PARVB: variants seen among roughly 807,000 people sequenced by gnomAD.
PARVB encodes the protein beta-parvin.
PARVB carries 46 observed loss-of-function variants against 47.0 expected under a neutral mutation model. That is an observed-to-expected ratio of 0.98 (90% CI 0.77 to 1.25). The LOEUF is 1.25. Among genes scored for constraint, PARVB ranks in the 50% most tolerant of loss-of-function variants. The pLI, the probability that PARVB is intolerant of heterozygous loss-of-function variation, is 0.00. For synonymous variants in PARVB, 196 were observed against 196.3 expected (o/e 1.00, Z 0.01); for missense variants, 473 against 471.6 (o/e 1.00, Z -0.03).
chr22:44,164,775 C>T (rs1334176399), intron 12 of PARVB, among the ~76,000 whole-genome samples: 2 of 152,194 alleles, frequency 1.3e-5, no homozygotes, highest in Non-Finnish European at 2.9e-5. Flanking sequence ...GCCCATGATG[C>T]TTCCTACACC....
At chr22:44,054,967 G>A (rs994945291) in intron 1 of PARVB, among the ~76,000 whole-genome samples, 2 of 142,096 alleles carry the variant, frequency 1.4e-5, no homozygotes, top group African/African-American at 5.3e-5. Context: ...TCCAGCCTGG[G>A]CGACAAGAGT....
intron 4 of PARVB, among the ~76,000 whole-genome samples, chr22:44,128,539 G>T (rs2053241511): frequency 6.6e-6 from 1 of 152,212 alleles, no homozygotes; most frequent in Non-Finnish European, 1.5e-5. Flanking sequence ...GCAGCACACA[G>T]GCATGGCCAG....
intron 4 of PARVB, among the ~76,000 whole-genome samples, chr22:44,131,077 CTTTTTT>C (rs1166979810): frequency 7.5e-6 from 1 of 133,042 alleles, no homozygotes; most frequent in Non-Finnish European, 1.6e-5. Context: ...CTCTCTCTCT[CTTTTTT>C]TCTTTCTTCT....
At chr22:44,098,531 G>A (rs576806979) in intron 2 of PARVB, among the ~76,000 whole-genome samples, 19 of 152,282 alleles carry the variant, frequency 1.2e-4, no homozygotes, top group African/African-American at 4.6e-4. Context: ...ATTGCACCAG[G>A]AGGGCAGGAA....
intron 4 of PARVB, 40 bp from the exon 5 acceptor site, chr22:44,131,447 A>G (rs1271600265): frequency 6.2e-7 from 1 of 1,606,170 alleles, no homozygotes; most frequent in African/African-American, 1.3e-5. Context: ...TGGCCCTTCC[A>G]GCTTTTTCTG....
At chr22:44,081,060 G>C (rs759980617) in intron 1 of PARVB, among the ~76,000 whole-genome samples, 1 of 152,182 alleles carries the variant, frequency 6.6e-6, no homozygotes, top group East Asian at 1.9e-4. Context: ...TCCTCCAAAG[G>C]TGCAGTCTCC....
intron 3 of PARVB, among the ~76,000 whole-genome samples, chr22:44,100,992 G>T (rs1223719394): frequency 6.6e-6 from 1 of 152,208 alleles, no homozygotes; most frequent in African/African-American, 2.4e-5. Context: ...TCTATTAAAA[G>T]TGCTTTTTAA....
At chr22:44,115,737 A>G (rs1434152870) in intron 3 of PARVB, 1 of 91,206 alleles carries the variant, frequency 1.1e-5, no homozygotes, top group Non-Finnish European at 2.1e-5. Flanking sequence ...CAACACAGAT[A>G]CATTGTTATT....
chr22:44,027,362 C>T (rs1490282160), intron 1 of PARVB, among the ~76,000 whole-genome samples: 4 of 152,256 alleles, frequency 2.6e-5, no homozygotes, highest in South Asian at 2.1e-4. Flanking sequence ...TCCTCAGAGG[C>T]GGATGGCCGG....
intron 2 of PARVB, among the ~76,000 whole-genome samples, chr22:44,013,488 C>T (rs1056106682): frequency 6.6e-6 from 1 of 152,190 alleles, no homozygotes; most frequent in Non-Finnish European, 1.5e-5. Flanking sequence ...ATCCTCAGTG[C>T]CCCTCACCAC....
In PARVB at chr22:44,168,975, C is replaced by T. The variant is rs974991361; in HGVS notation, c.*297C>T. On this transcript the variant is annotated 3_prime_UTR_variant, in exon 13 of 13. Transcript: ENST00000338758. ...ACTCAGTCGCGTGGGATGATGAGTC[C>T]GTTGTTGTCTGCCTTGGCCGAAAGA... 23 of 307,228 alleles carry T rather than the reference C, an allele frequency of 7.5e-5. No individual in the cohort carries two copies. The highest frequency in any genetic ancestry group is 2.1e-4 in the African/African-American group (10 of 47,118). The allele number at this position is 307,228 out of a possible 1,614,324, so 19.0% of individuals were successfully genotyped here.
chr22:44,051,918 G>A (rs939465380), intron 1 of PARVB, among the ~76,000 whole-genome samples: 2 of 152,054 alleles, frequency 1.3e-5, no homozygotes, highest in African/African-American at 2.4e-5. Flanking sequence ...AGAGATTGGA[G>A]AGATGCTGCC....
intron 1 of PARVB, chr22:44,040,058 T>C (rs896967910): frequency 7.5e-6 from 2 of 267,642 alleles, no homozygotes; most frequent in Non-Finnish European, 1.5e-5. Context: ...CAGGAGTTGC[T>C]TGGGGAGGAG....
Position 44,161,105 on chromosome 22 carries a change from A to C in PARVB, c.946-2753A>C, listed in dbSNP as rs536589094. 2.0e-3 allele frequency among the ~76,000 whole-genome samples: 308 copies of C among 152,072 alleles called. 2 individuals carry two copies. The highest frequency in any genetic ancestry group is 7.5e-3 in the Admixed American group (115 of 15,272). On this transcript the variant is annotated intron_variant, in intron 11 of 12. Transcript: ENST00000338758. ...CTGTCTCCATCTCGATTTGGGGTCA[A>C]GCCTGTTGTGTGTGTGTGTGTGTGC...
intron 2 of PARVB, among the ~76,000 whole-genome samples, chr22:44,003,328 C>T (rs1002802624): frequency 2.0e-5 from 3 of 152,118 alleles, no homozygotes; most frequent in Non-Finnish European, 4.4e-5. Flanking sequence ...AAATACTGAG[C>T]GGGCAGAGCT....
At chr22:44,015,654 A>G (rs972396363) in intron 2 of PARVB, among the ~76,000 whole-genome samples, 7 of 152,164 alleles carry the variant, frequency 4.6e-5, no homozygotes, top group African/African-American at 1.7e-4. Flanking sequence ...CCCCATCTCT[A>G]CTAAAAATAC....
At chr22:44,007,113 A>G (rs2146847971) in intron 2 of PARVB, among the ~76,000 whole-genome samples, 1 of 152,316 alleles carries the variant, frequency 6.6e-6, no homozygotes, top group South Asian at 2.1e-4. Flanking sequence ...CCGTTCATTC[A>G]ACCGTTTGGG....
upstream of PARVB, among the ~76,000 whole-genome samples, chr22:44,022,564 A>G (rs5764467): frequency 0.57 from 86,561 of 151,408 alleles, 26,070 homozygotes; most frequent in African/African-American, 0.77. Context: ...ACCAACAGAA[A>G]CATGTACTGC....
chr22:44,034,237 A>G (rs2050875027), intron 1 of PARVB, among the ~76,000 whole-genome samples: 1 of 150,088 alleles, frequency 6.7e-6, no homozygotes, highest in Admixed American at 6.7e-5. Context: ...CTTTATACAT[A>G]TATATTTGAG....
Sources: gnomAD v4.1 joint callset for allele counts (sites outside exome capture counted in the v4.1 genomes callset) on GRCh38, gnomAD v4.1.1 for gene constraint, MANE v1.5 for transcripts, NCBI Gene and HGNC (gene_info 2026-07-23, HGNC 2026-07-21) for gene names.